The following ANLN variants were observed in gnomAD, a reference collection of about 807,000 sequenced individuals.
ANLN encodes the protein anillin.
ANLN carries 59 observed loss-of-function variants against 135.1 expected under a neutral mutation model. That is an observed-to-expected ratio of 0.44 (90% CI 0.35 to 0.54). The LOEUF (loss-of-function observed/expected upper bound fraction) is 0.54. ANLN is among the 20% of genes least tolerant of loss of function. ANLN has a pLI of 0.00. For missense variants in ANLN, 1,182 were observed against 1,340.0 expected (o/e 0.88, Z 1.84); for synonymous variants, 406 against 456.4 (o/e 0.89, Z 1.41).
At chr7:36,390,427 C>A in intron 1 of ANLN, 1 of 250,846 alleles carries the variant, frequency 4.0e-6, no homozygotes, top group South Asian at 1.0e-4. Flanking sequence ...GGTCCGGGGC[C>A]GGTGACTCAG....
chr7:36,452,491 C>T lies in ANLN; in HGVS notation c.3266C>T (p.Ala1089Val). 6.2e-7 allele frequency: 1 copy of T among 1,613,952 alleles called. No individual in the cohort carries two copies. The highest frequency in any genetic ancestry group is 1.1e-5 in the South Asian group (1 of 91,080). Residue 1089 changes from alanine (A) to valine (V), a missense_variant, in exon 24 of 24, where the codon GCA becomes GTA. Physicochemically the swap from Ala to Val is moderately conservative, Grantham distance 64 (BLOSUM62 0). This residue lies in a region of ANLN where 78 missense variants were observed against 72.7 expected (regional missense o/e 1.07). Transcript: ENST00000265748. ...TGTTCCTGTAGGAACTGGCTGTCTG[C>T]AGATACTAAAGAAGAGCGGGATCTC... ...TLCVTKNWLS[A>V]DTKEERDLWM...
chr7:36,406,118 GGT>G, intron 3 of ANLN, 61 bp from the exon 4 acceptor site: 3 of 1,466,254 alleles, frequency 2.0e-6, no homozygotes, highest in Non-Finnish European at 2.8e-6. Context: ...GAGTGATCCT[GGT>G]ATTATACGTA....
chr7:36,445,764 G>A (rs918845630), intron 22 of ANLN, among the ~76,000 whole-genome samples: 2 of 152,096 alleles, frequency 1.3e-5, no homozygotes, highest in Non-Finnish European at 2.9e-5. Flanking sequence ...TGGGTTGTAG[G>A]GTTTGCACAT....
At chr7:36,405,783 G>T (rs544106049) in intron 3 of ANLN, among the ~76,000 whole-genome samples, 12 of 152,310 alleles carry the variant, frequency 7.9e-5, no homozygotes, top group African/African-American at 2.9e-4. Context: ...GTGGCTAATG[G>T]TTACTGTATT....
chr7:36,450,356 T>C (rs985811363), intron 23 of ANLN, among the ~76,000 whole-genome samples: 1 of 152,216 alleles, frequency 6.6e-6, no homozygotes, highest in African/African-American at 2.4e-5. Flanking sequence ...GATTCTAAGA[T>C]AGGTTTCTTT....
Position 36,449,826 on chromosome 7 carries a change from CTG to C in ANLN, c.3244_3245del (p.Val1082TyrfsTer10). The C allele has an allele frequency of 6.2e-7, 1 of 1,613,664 alleles. No individual in the cohort carries two copies. The highest frequency in any genetic ancestry group is 8.5e-7 in the Non-Finnish European group (1 of 1,179,784). ...TLVSQCRDTL[C>X]VTKNWLSADT... The stretch of plus-strand genomic sequence containing the variant: ...TTGTCAGCCAATGCAGGGACACACT[CTG>C]TGTTACCAAGTATGTATTGGCCTAT... On this transcript the variant is annotated frameshift_variant, in exon 23 of 24. Coordinates refer to ENST00000265748, the MANE Select transcript of ANLN (RefSeq NM_018685.5). LOFTEE classifies it high-confidence loss of function.
At chr7:36,435,387 G>T (rs866671414) in intron 20 of ANLN, among the ~76,000 whole-genome samples, 6 of 84,126 alleles carry the variant, frequency 7.1e-5, no homozygotes, top group Non-Finnish European at 1.6e-4. Flanking sequence ...AGAGATGGTG[G>T]GGGGGGGGTC....
intron 20 of ANLN, among the ~76,000 whole-genome samples, chr7:36,435,393 G>T (rs1262022804): frequency 6.0e-5 from 9 of 151,148 alleles, no homozygotes; most frequent in South Asian, 2.1e-4. Context: ...GGTGGGGGGG[G>T]GGTCTCAGTA....
intron 9 of ANLN, 104 bp from the exon 10 acceptor site, chr7:36,419,134 TAAGGCA>T: frequency 1.4e-6 from 1 of 714,938 alleles, no homozygotes. Context: ...TGCTTTTTTT[TAAGGCA>T]TTTTTTCCTA....
intron 20 of ANLN, among the ~76,000 whole-genome samples, chr7:36,432,980 T>C (rs1030069603): frequency 2.0e-5 from 3 of 152,200 alleles, no homozygotes; most frequent in Non-Finnish European, 2.9e-5. Context: ...TTTTCTTTAA[T>C]CAGTTTTTTT....
intron 20 of ANLN, among the ~76,000 whole-genome samples, chr7:36,437,123 T>C (rs1002285367): frequency 2.6e-5 from 4 of 152,234 alleles, no homozygotes; most frequent in African/African-American, 7.2e-5. Context: ...AATTCTGTAC[T>C]CGTGGAACTG....
At chr7:36,410,964 C>A in intron 6 of ANLN, 95 bp from the exon 7 acceptor site, 1 of 1,164,344 alleles carries the variant, frequency 8.6e-7, no homozygotes, top group Non-Finnish European at 1.2e-6. Flanking sequence ...ACTTTTTAAA[C>A]AGTTTAAAAC....
intron 20 of ANLN, among the ~76,000 whole-genome samples, chr7:36,434,912 T>C (rs1788465832): frequency 6.6e-6 from 1 of 152,142 alleles, no homozygotes; most frequent in South Asian, 2.1e-4. Context: ...TGGACATGCA[T>C]GAAAAATCAC....
chr7:36,437,514 C>T (rs1788593477), intron 20 of ANLN, among the ~76,000 whole-genome samples: 1 of 152,100 alleles, frequency 6.6e-6, no homozygotes, highest in Admixed American at 6.6e-5. Context: ...GATAGCACTT[C>T]AAGAACCCAT....
chr7:36,431,026 T>C (rs2116720348), intron 20 of ANLN, among the ~76,000 whole-genome samples: 1 of 152,326 alleles, frequency 6.6e-6, no homozygotes, highest in South Asian at 2.1e-4. Flanking sequence ...ATTGTCTACT[T>C]TTCCTCAGCT....
chr7:36,427,198 T>C (rs868504801), intron 20 of ANLN, among the ~76,000 whole-genome samples, 170 bp downstream of exon 20: 3 of 152,026 alleles, frequency 2.0e-5, no homozygotes, highest in East Asian at 3.9e-4. Flanking sequence ...TGTTTTTTTT[T>C]TTTTTTGTCT....
chr7:36,447,586 G>A (rs770954779), intron 22 of ANLN, among the ~76,000 whole-genome samples: 11 of 151,824 alleles, frequency 7.2e-5, no homozygotes, highest in African/African-American at 1.9e-4. Context: ...CACCATTCCC[G>A]GCTAATTTTT....
At chr7:36,409,120 A>G (rs1787308099) in intron 5 of ANLN, among the ~76,000 whole-genome samples, 1 of 152,228 alleles carries the variant, frequency 6.6e-6, no homozygotes, top group Non-Finnish European at 1.5e-5. Flanking sequence ...CCCAGATGGA[A>G]TAGGACTAGT....
intron 20 of ANLN, among the ~76,000 whole-genome samples, chr7:36,427,574 G>A (rs964481746): frequency 6.6e-6 from 1 of 152,070 alleles, no homozygotes; most frequent in African/African-American, 2.4e-5. Context: ...GGCTGGTCTC[G>A]AACTCCTGGG....
Sources: allele counts gnomAD v4.1 joint callset (sites outside exome capture counted in the v4.1 genomes callset), GRCh38; gene constraint gnomAD v4.1.1; regional missense constraint gnomAD v4.1.1; transcripts MANE v1.5; gene names NCBI Gene and HGNC (gene_info 2026-07-23, HGNC 2026-07-21).